NGEF: variants seen among roughly 807,000 people sequenced by gnomAD.
NGEF encodes neuronal guanine nucleotide exchange factor.
Under a neutral mutation model 80.9 loss-of-function variants are expected in NGEF, and 31 were observed. That is an observed-to-expected ratio of 0.38 (90% confidence interval 0.29 to 0.52). The LOEUF (loss-of-function observed/expected upper bound fraction) is 0.52, where lower values mean the gene tolerates loss of function less well. NGEF is among the 20% of genes least tolerant of loss of function. The pLI is 0.84. For synonymous variants in NGEF, 371 were observed against 370.2 expected (o/e 1.00, Z -0.03); for missense variants, 709 against 926.2 (o/e 0.77, Z 3.04).
chr2:232,972,845 C>T (rs910870452), intron 2 of NGEF, among the ~76,000 whole-genome samples: 3 of 149,838 alleles, frequency 2.0e-5, no homozygotes, highest in Non-Finnish European at 4.4e-5. Context: ...CAACCTCTGC[C>T]TCCTGGGTTC....
intron 3 of NGEF, among the ~76,000 whole-genome samples, chr2:232,960,945 A>C (rs1693938625): frequency 6.6e-6 from 1 of 152,200 alleles, no homozygotes; most frequent in Non-Finnish European, 1.5e-5. Flanking sequence ...GGTGCTTGAC[A>C]TATGTAAGTT....
At chr2:232,924,413 C>T (rs2106280874) in intron 4 of NGEF, among the ~76,000 whole-genome samples, 1 of 152,132 alleles carries the variant, frequency 6.6e-6, no homozygotes, top group Non-Finnish European at 1.5e-5. Context: ...ACCTCCAGAA[C>T]TGTAAGAAAT....
chr2:232,931,960 T>C (rs937023277), intron 3 of NGEF, among the ~76,000 whole-genome samples: 1 of 152,170 alleles, frequency 6.6e-6, no homozygotes, highest in Non-Finnish European at 1.5e-5. Flanking sequence ...TTTGCCACTT[T>C]ATGACAAGGA....
intron 1 of NGEF, among the ~76,000 whole-genome samples, chr2:233,006,061 C>T (rs1158661440): frequency 1.3e-5 from 2 of 152,202 alleles, no homozygotes; most frequent in Admixed American, 6.5e-5. Flanking sequence ...AAGTGATCCG[C>T]CCACCTTGGC....
chr2:232,967,657 G>A lies in NGEF; in HGVS notation c.383+2557C>T, dbSNP rs115744729. Among the ~76,000 whole-genome samples, 969 of 151,862 alleles carry A rather than the reference G, an allele frequency of 6.4e-3. 18 individuals carry two copies. Among genetic ancestry groups the A allele is most frequent in the African/African-American group, 0.023 (934 of 41,386 alleles). ...CGGGTATTTTTTTATAGCAATGCAA[G>A]AACAGCCTAATCCACCCATAATATC... is the stretch of plus-strand genomic sequence containing the variant. On this transcript the variant is annotated intron_variant, in intron 3 of 14. Transcript: ENST00000264051.
chr2:232,989,843 T>G (rs554687511), intron 1 of NGEF, among the ~76,000 whole-genome samples: 1 of 152,324 alleles, frequency 6.6e-6, no homozygotes, highest in African/African-American at 2.4e-5. Context: ...TTCATAATCA[T>G]TAGAAAGTCT....
intron 3 of NGEF, among the ~76,000 whole-genome samples, chr2:232,941,736 A>G (rs540610230): frequency 6.6e-6 from 1 of 152,330 alleles, no homozygotes; most frequent in East Asian, 1.9e-4. Flanking sequence ...AGCCTGGTCC[A>G]CTTGAAAATG....
At chr2:232,967,444 C>T (rs867216693) in intron 3 of NGEF, among the ~76,000 whole-genome samples, 4 of 152,112 alleles carry the variant, frequency 2.6e-5, no homozygotes, top group East Asian at 1.9e-4. Context: ...AAGCAATTCT[C>T]GTGCCTCAGC....
At chr2:232,971,372 TGAA>T (rs1362330347) in intron 2 of NGEF, among the ~76,000 whole-genome samples, 1 of 152,094 alleles carries the variant, frequency 6.6e-6, no homozygotes, top group East Asian at 1.9e-4. Flanking sequence ...GGAGGTGACA[TGAA>T]GGAGTCACTG....
intron 1 of NGEF, among the ~76,000 whole-genome samples, chr2:232,983,416 C>T (rs147081539): frequency 6.6e-6 from 1 of 151,780 alleles, no homozygotes; most frequent in Non-Finnish European, 1.5e-5. Context: ...CAGTTTGGTG[C>T]CTGAGGGGTG....
intron 1 of NGEF, among the ~76,000 whole-genome samples, chr2:232,992,699 A>G (rs1163383284): frequency 1.3e-5 from 2 of 151,946 alleles, no homozygotes; most frequent in Non-Finnish European, 2.9e-5. Flanking sequence ...CCCAATTAAA[A>G]TACGGGGCTG....
chr2:232,965,261 A>G lies in NGEF; in HGVS notation c.383+4953T>C, dbSNP rs1455736818. ...TTTAGATCATGAAACCTGCCTTTCT[A>G]TGCACAAATCAAGCAAGGAGACAGA... On this transcript the variant is annotated intron_variant, in intron 3 of 14. Coordinates refer to ENST00000264051, the MANE Select transcript of NGEF (RefSeq NM_019850.3). Among the ~76,000 whole-genome samples, 6 of 152,102 alleles carry G rather than the reference A, an allele frequency of 3.9e-5. No homozygotes were observed. The South Asian group carries it at 1.0e-3, about 26-fold the overall frequency.
intron 1 of NGEF, among the ~76,000 whole-genome samples, chr2:232,977,407 G>T (rs1406898135): frequency 1.3e-5 from 2 of 152,220 alleles, no homozygotes; most frequent in Non-Finnish European, 1.5e-5. Context: ...AGAGATGGGG[G>T]TGCTGCTTTG....
chr2:232,969,246 A>G (rs1315234418), intron 3 of NGEF, among the ~76,000 whole-genome samples: 1 of 150,196 alleles, frequency 6.7e-6, no homozygotes, highest in African/African-American at 2.5e-5. Flanking sequence ...GCACATTTGC[A>G]ACATAATAAA....
chr2:232,994,837 T>A (rs1353692618), intron 1 of NGEF, among the ~76,000 whole-genome samples: 1 of 151,896 alleles, frequency 6.6e-6, no homozygotes, highest in Non-Finnish European at 1.5e-5. Context: ...TAGAAGATAC[T>A]ATTCCATCCA....
At chr2:232,965,816 A>G (rs1414698175) in intron 3 of NGEF, among the ~76,000 whole-genome samples, 3 of 152,094 alleles carry the variant, frequency 2.0e-5, no homozygotes, top group African/African-American at 7.2e-5. Context: ...GAGGCAGTCA[A>G]CATCAATGTG....
At chr2:232,890,186 G>A (rs1691833338) in intron 8 of NGEF, among the ~76,000 whole-genome samples, 1 of 112,210 alleles carries the variant, frequency 8.9e-6, no homozygotes, top group African/African-American at 2.7e-5. Context: ...GTCAGGTGGA[G>A]GGGGTCTCTG....
chr2:232,918,786 G>A (rs1305450540), intron 5 of NGEF, among the ~76,000 whole-genome samples: 1 of 151,700 alleles, frequency 6.6e-6, no homozygotes, highest in East Asian at 1.9e-4. Context: ...CTGCCACAGT[G>A]CCCAGCTAAC....
Position 232,892,373 on chromosome 2 carries a change from C to T in NGEF, c.1142+525G>A, listed in dbSNP as rs140817031. Among the ~76,000 whole-genome samples, 8 of 152,224 alleles carry T rather than the reference C, an allele frequency of 5.3e-5. No homozygotes were observed. Among genetic ancestry groups the T allele is most frequent in the African/African-American group, 7.2e-5 (3 of 41,548 alleles). On this transcript the variant is annotated intron_variant, in intron 7 of 14. Transcript: ENST00000264051. The surrounding 1 kb of genome is among the most constrained non-coding windows in gnomAD (Gnocchi z 4.0). ...AGGCACTGAAGTGCGAACCTCAGTG[C>T]GCAGAATTCAGAAGAGGCACGCTGG...
Sources: gnomAD v4.1 joint callset for allele counts (sites outside exome capture counted in the v4.1 genomes callset) on GRCh38, gnomAD v4.1.1 for gene constraint, Gnocchi (gnomAD v3.1) non-coding constraint, MANE v1.5 for transcripts, NCBI Gene and HGNC (gene_info 2026-07-23, HGNC 2026-07-21) for gene names.